Variants in LTBP1 observed in about 807,000 individuals in gnomAD.
The protein encoded by LTBP1 is latent-transforming growth factor beta-binding protein 1.
In LTBP1, 129 loss-of-function variants were observed where a neutral mutation model predicts 207.6. The observed-to-expected ratio is 0.62, with a 90% CI of 0.54 to 0.72. The LOEUF (loss-of-function observed/expected upper bound fraction) is 0.72. LTBP1 is among the 30% of genes least tolerant of loss of function. LTBP1 has a pLI of 0.00. For synonymous variants in LTBP1, 963 were observed against 833.7 expected, an observed-to-expected ratio of 1.16 and a Z score of -2.67; for missense variants, 2,281 against 2,217.2, an observed-to-expected ratio of 1.03 and a Z score of -0.58.
intron 2 of LTBP1, among the ~76,000 whole-genome samples, chr2:33,007,244 G>C (rs1012433483): frequency 6.6e-6 from 1 of 152,206 alleles, no homozygotes; most frequent in African/African-American, 2.4e-5. Context: ...GCTTCTCAAA[G>C]TGCTGGGATT....
intron 5 of LTBP1, among the ~76,000 whole-genome samples, chr2:33,156,362 G>A (rs2083972097): frequency 6.6e-6 from 1 of 152,160 alleles, no homozygotes; most frequent in Non-Finnish European, 1.5e-5. Flanking sequence ...CGTCGTGCTT[G>A]TGAGATCCAT....
intron 3 of LTBP1, among the ~76,000 whole-genome samples, chr2:33,046,820 T>G (rs1266470385): frequency 2.0e-5 from 3 of 152,190 alleles, no homozygotes; most frequent in African/African-American, 7.2e-5. Flanking sequence ...GGGATTTGAC[T>G]TCTTCCTGGT....
intron 2 of LTBP1, among the ~76,000 whole-genome samples, chr2:33,012,284 G>C (rs564169960): frequency 6.6e-6 from 1 of 151,994 alleles, no homozygotes; most frequent in African/African-American, 2.4e-5. Context: ...GGGTGGGGGG[G>C]GCTTCACACT....
chr2:33,254,163 T>A (rs1055138644), intron 11 of LTBP1, among the ~76,000 whole-genome samples: 3 of 152,086 alleles, frequency 2.0e-5, no homozygotes, highest in African/African-American at 7.2e-5. Context: ...ATTACAGGGA[T>A]GGTTCCACTC....
At chr2:33,381,955 A>C (rs1300273139) in intron 31 of LTBP1, among the ~76,000 whole-genome samples, 1 of 152,134 alleles carries the variant, frequency 6.6e-6, no homozygotes, top group Non-Finnish European at 1.5e-5. Context: ...GTTTTAAATG[A>C]AACAGTGTAT....
chr2:33,040,294 C>G (rs2076120263), intron 3 of LTBP1, among the ~76,000 whole-genome samples: 1 of 152,192 alleles, frequency 6.6e-6, no homozygotes, highest in Admixed American at 6.5e-5. Context: ...ATGAGAAACT[C>G]AAGCTCCTGA....
chr2:33,281,670 A>G (rs540529907), intron 19 of LTBP1, among the ~76,000 whole-genome samples: 25 of 152,306 alleles, frequency 1.6e-4, no homozygotes, highest in African/African-American at 6.0e-4. Flanking sequence ...CTGAGCCCCT[A>G]GGCCCATCCC....
intron 9 of LTBP1, among the ~76,000 whole-genome samples, chr2:33,239,738 CAAA>C (rs372396935): frequency 7.9e-6 from 1 of 127,008 alleles, no homozygotes. Context: ...ACTAAAAATA[CAAA>C]AAAAAAAAAA....
At chr2:33,327,920 G>A (rs1303569950) in intron 24 of LTBP1, among the ~76,000 whole-genome samples, 5 of 151,782 alleles carry the variant, frequency 3.3e-5, no homozygotes, top group Middle Eastern at 3.2e-3. Context: ...GGGTGGATCC[G>A]AGGTCAGCAG....
chr2:33,216,716 C>G (rs2090735355), intron 7 of LTBP1, among the ~76,000 whole-genome samples: 1 of 152,144 alleles, frequency 6.6e-6, no homozygotes, highest in African/African-American at 2.4e-5. Context: ...GTCAGCTGGT[C>G]CTCCCCTCAG....
intron 4 of LTBP1, among the ~76,000 whole-genome samples, chr2:33,130,010 C>T (rs2150520438): frequency 6.6e-6 from 1 of 152,310 alleles, no homozygotes; most frequent in South Asian, 2.1e-4. Flanking sequence ...TCTTGAGGAA[C>T]ACAGAGCAGT....
At chr2:33,229,018 C>A (rs2091632991) in intron 9 of LTBP1, among the ~76,000 whole-genome samples, 1 of 151,996 alleles carries the variant, frequency 6.6e-6, no homozygotes, top group Non-Finnish European at 1.5e-5. Flanking sequence ...GTTATACTCT[C>A]ATACCACCTA....
chr2:33,281,845 C>T (rs1435047962), intron 19 of LTBP1, among the ~76,000 whole-genome samples: 1 of 152,066 alleles, frequency 6.6e-6, no homozygotes, highest in Admixed American at 6.5e-5. Flanking sequence ...AAATTTCATA[C>T]TTGCCTATCA....
chr2:33,294,615 G>A (rs1189169300), intron 20 of LTBP1, among the ~76,000 whole-genome samples: 2 of 123,956 alleles, frequency 1.6e-5, no homozygotes, highest in Admixed American at 1.9e-4. Context: ...GTCTTGCTCT[G>A]TCGCCCAGGC....
At chr2:33,103,796 A>C (rs2079897406) in intron 3 of LTBP1, among the ~76,000 whole-genome samples, 1 of 152,068 alleles carries the variant, frequency 6.6e-6, no homozygotes, top group South Asian at 2.1e-4. Context: ...AGTAGCATTC[A>C]CCCATCCTTC....
intron 7 of LTBP1, among the ~76,000 whole-genome samples, chr2:33,215,410 C>A (rs190597628): frequency 2.3e-4 from 35 of 152,242 alleles, no homozygotes; most frequent in African/African-American, 6.3e-4. Context: ...ACACAGCATC[C>A]TGTTGAAATC....
At chr2:33,192,021 G>A (rs2087947451) in intron 7 of LTBP1, among the ~76,000 whole-genome samples, 1 of 152,146 alleles carries the variant, frequency 6.6e-6, no homozygotes. Context: ...TGTTTGGAGG[G>A]TGGAGGAAAA....
chr2:33,388,002 C>T (rs573124902), intron 31 of LTBP1, among the ~76,000 whole-genome samples: 36 of 152,334 alleles, frequency 2.4e-4, no homozygotes, highest in African/African-American at 7.9e-4. Context: ...CAGAATTTCA[C>T]CAACTGCTAG....
At chr2:33,190,266 C>T (rs1391386748) in intron 7 of LTBP1, among the ~76,000 whole-genome samples, 1 of 152,126 alleles carries the variant, frequency 6.6e-6, no homozygotes, top group East Asian at 1.9e-4. Flanking sequence ...ATGGGTTAAA[C>T]CCCTCATGAG....
Sources: gnomAD v4.1 joint callset for allele counts (sites outside exome capture counted in the v4.1 genomes callset) on GRCh38, gnomAD v4.1.1 for gene constraint, MANE v1.5 for transcripts, NCBI Gene and HGNC (gene_info 2026-07-23, HGNC 2026-07-21) for gene names.